The following FCSK variants were observed in gnomAD, a reference collection of about 807,000 sequenced individuals.
FCSK encodes the protein fucose kinase.
Under a neutral mutation model 122.5 loss-of-function variants are expected in FCSK, and 123 were observed. The ratio of observed to expected loss-of-function variants is 1.00; its 90% CI spans 0.87 to 1.17. FCSK has a LOEUF of 1.17. FCSK is among the 50% of genes most tolerant of loss of function. FCSK has a pLI of 0.00. For missense variants in FCSK, 1,366 were observed against 1,450.4 expected (o/e 0.94, Z 0.95); for synonymous variants, 620 against 625.5 (o/e 0.99, Z 0.13).
intron 13 of FCSK, among the ~76,000 whole-genome samples, chr16:70,471,812 GTTT>G (rs1230034123): frequency 3.1e-5 from 4 of 128,676 alleles, no homozygotes; most frequent in African/African-American, 6.2e-5. Flanking sequence ...TGGGGTTGTT[GTTT>G]TTTTTTTTTT....
intron 3 of FCSK, among the ~76,000 whole-genome samples, chr16:70,464,478 C>A (rs924728413): frequency 2.0e-5 from 3 of 152,030 alleles, no homozygotes; most frequent in African/African-American, 7.3e-5. Context: ...GTGATGAAAC[C>A]CCGTCTCTAC....
At chr16:70,465,719 T>A (rs943902109) in intron 4 of FCSK, among the ~76,000 whole-genome samples, 2 of 152,044 alleles carry the variant, frequency 1.3e-5, no homozygotes, top group Non-Finnish European at 2.9e-5. Flanking sequence ...TTTGGGAGGT[T>A]GAGGCGGGCA....
intron 8 of FCSK, among the ~76,000 whole-genome samples, chr16:70,468,272 T>C (rs142519683): frequency 6.6e-6 from 1 of 152,212 alleles, no homozygotes. Context: ...ATACAACAAT[T>C]AGCTGAGCAT....
intron 18 of FCSK, 49 bp downstream of exon 18, chr16:70,475,060 CG>C (rs2048761257): frequency 1.3e-6 from 2 of 1,504,680 alleles, no homozygotes; most frequent in Non-Finnish European, 1.8e-6. Context: ...GCTGGGGGCT[CG>C]GGGCAGAAGC....
chr16:70,468,095 G>A, intron 8 of FCSK, 129 bp downstream of exon 8: 1 of 742,418 alleles, frequency 1.3e-6, no homozygotes, highest in Non-Finnish European at 2.3e-6. Flanking sequence ...GGACAGGGTA[G>A]CCTTGGAATT....
chr16:70,461,924 G>T (rs2048278840), intron 1 of FCSK, among the ~76,000 whole-genome samples: 3 of 152,268 alleles, frequency 2.0e-5, no homozygotes, highest in Admixed American at 2.0e-4. Flanking sequence ...ATCTCCGGAG[G>T]TTCATAGCAG....
chr16:70,478,212 G>C (rs2048875249), intron 20 of FCSK, 60 bp from the exon 21 acceptor site: 7 of 1,569,210 alleles, frequency 4.5e-6, no homozygotes, highest in Non-Finnish European at 6.1e-6. Context: ...CGGGAGCCTA[G>C]GCTGGGAGAG....
chr16:70,464,315 C>T (rs1185460109), intron 3 of FCSK, among the ~76,000 whole-genome samples: 2 of 152,188 alleles, frequency 1.3e-5, no homozygotes, highest in Non-Finnish European at 2.9e-5. Flanking sequence ...CTAAGTCACC[C>T]AGCCAGCCCC....
At chr16:70,470,217 G>A in intron 10 of FCSK, 97 bp from the exon 11 acceptor site, 2 of 779,538 alleles carry the variant, frequency 2.6e-6, no homozygotes, top group Non-Finnish European at 4.3e-6. Flanking sequence ...CAGGCTCATG[G>A]CCACACCTGC....
chr16:70,470,213 C>T (rs924882093), intron 10 of FCSK, 101 bp from the exon 11 acceptor site: 33 of 753,432 alleles, frequency 4.4e-5, no homozygotes, highest in Non-Finnish European at 3.8e-5. Flanking sequence ...CTAACAGGCT[C>T]ATGGCCACAC....
At chr16:70,470,565 G>C (rs2048581091) in intron 11 of FCSK, 139 bp downstream of exon 11, 4 of 624,976 alleles carry the variant, frequency 6.4e-6, no homozygotes, top group Non-Finnish European at 8.4e-6. Flanking sequence ...TGAAGTGCTG[G>C]AGGCTCAGAG....
In FCSK at chr16:70,469,202, G is replaced by C. The variant is rs750376944; in HGVS notation, c.834G>C (p.Arg278Ser). Residue 278 changes from arginine to serine, a missense_variant, in exon 10 of 24, where the codon AGG becomes AGC. Arg to Ser is a moderately radical substitution (Grantham distance 110, BLOSUM62 -1). Coordinates refer to ENST00000288078, the MANE Select transcript of FCSK (RefSeq NM_145059.3). ...ACTGCATGGCTGAGAACGTGACCAGGGAGGACTTCCTGGTGGGGAGGCCCC... is the reference window on the plus strand; with the variant it reads ...ACTGCATGGCTGAGAACGTGACCAGCGAGGACTTCCTGGTGGGGAGGCCCC... ...ILHCMAENVT[R>S]EDFLVGRPPE... 51 of 1,614,044 alleles carry C rather than the reference G, an allele frequency of 3.2e-5. No homozygotes were observed. Among genetic ancestry groups the C allele is most frequent in the Non-Finnish European group, 4.2e-5 (50 of 1,180,036 alleles).
intron 13 of FCSK, 167 bp from the exon 14 acceptor site, chr16:70,472,374 G>A: frequency 1.9e-6 from 1 of 526,384 alleles, no homozygotes; most frequent in Non-Finnish European, 3.4e-6. Context: ...CATACCTGCA[G>A]TGAGCTGACC....
Position 70,475,011 on chromosome 16 carries a change from G to T in FCSK, c.2377G>T (p.Gly793Trp). 6.3e-7 allele frequency: 1 copy of T among 1,593,692 alleles called. No individual in the cohort carries two copies. The change falls in exon 18 of 24, where the codon GGG (glycine) becomes TGG (tryptophan). Residue 793 changes from glycine to tryptophan, a missense_variant and splice_region_variant. Transcript: ENST00000288078. ...GGACTACTGCCAGCCTCATGCCCCA[G>T]GTCAGGCACCCTGGGACCTCTGCAG... ...LRDYCQPHAP[G>W]ALLKAAFICA...
rs1234856895 is a variant in FCSK, at chr16:70,465,273, C to T, written c.285+97C>T. Reference sequence around the variant, plus strand: ...GGGGTGTTCTGCCACTGTGTGTGTGCAAGATGAAATCTGAAAGATTCTAAA... The same window carrying T: ...GGGGTGTTCTGCCACTGTGTGTGTGTAAGATGAAATCTGAAAGATTCTAAA... On this transcript the variant is annotated intron_variant, in intron 4 of 23. Coordinates refer to ENST00000288078, the MANE Select transcript of FCSK (RefSeq NM_145059.3). The T allele has an allele frequency of 4.2e-6, 5 of 1,195,894 alleles. No individual in the cohort carries two copies. In the South Asian group the frequency reaches 7.4e-5, roughly 18 times the overall value. The allele number at this position is 1,195,894 out of a possible 1,614,324, so 74.1% of individuals were successfully genotyped here.
intron 9 of FCSK, 24 bp downstream of exon 9, chr16:70,468,992 T>TGGGGCCTGGCTTGG (rs1219441293): frequency 6.2e-7 from 1 of 1,611,640 alleles, no homozygotes; most frequent in Admixed American, 1.7e-5. Context: ...GGCAGCTAGG[T>TGGGGCCTGGCTTGG]GGGGCCTGGC....
Position 70,463,782 on chromosome 16 carries a change from C to G in FCSK, c.234+8C>G, listed in dbSNP as rs1428583882. 1.9e-6 allele frequency: 3 copies of G among 1,601,834 alleles called. No homozygotes were observed. The highest frequency in any genetic ancestry group is 1.3e-5 in the African/African-American group (1 of 74,608). On this transcript the variant is annotated splice_region_variant and intron_variant, in intron 3 of 23. Transcript: ENST00000288078. ...GCCCGGGCAGGCTTCACTGTGAGTG[C>G]TCACCAGGGCCACCTCCCTGGTCTG...
chr16:70,464,567 G>A (rs1229288934), intron 3 of FCSK, among the ~76,000 whole-genome samples: 6 of 151,924 alleles, frequency 3.9e-5, no homozygotes, highest in African/African-American at 7.3e-5. Context: ...CAGGAGAGTC[G>A]CTTGAACCCA....
chr16:70,474,426 G>A (rs1467239818), intron 16 of FCSK, 87 bp downstream of exon 16: 9 of 1,552,232 alleles, frequency 5.8e-6, no homozygotes, highest in Non-Finnish European at 7.0e-6. Flanking sequence ...AGAGAGAGGT[G>A]GGGCTCCCTT....
Sources: allele counts gnomAD v4.1 joint callset (sites outside exome capture counted in the v4.1 genomes callset), GRCh38; gene constraint gnomAD v4.1.1; transcripts MANE v1.5; gene names NCBI Gene and HGNC (gene_info 2026-07-23, HGNC 2026-07-21).